CHRM2: variants seen among roughly 807,000 people sequenced by gnomAD.
CHRM2 encodes cholinergic receptor muscarinic 2, also known as muscarinic acetylcholine receptor M2.
CHRM2 carries 8 observed loss-of-function variants against 25.0 expected under a neutral mutation model. The observed-to-expected ratio is 0.32, with a 90% confidence interval of 0.19 to 0.58. The LOEUF is 0.58. CHRM2 is among the 20% of genes least tolerant of loss of function. The pLI is 0.88. For missense variants in CHRM2, 440 were observed against 567.1 expected, an observed-to-expected ratio of 0.78 and a Z score of 2.28; for synonymous variants, 202 against 205.7, an observed-to-expected ratio of 0.98 and a Z score of 0.15.
intron 3 of CHRM2, among the ~76,000 whole-genome samples, chr7:137,009,507 A>G (rs1484775136): frequency 5.3e-5 from 8 of 152,048 alleles, no homozygotes; most frequent in Non-Finnish European, 1.2e-4. Flanking sequence ...ATTGTCCTGG[A>G]CACAATGATT....
intron 3 of CHRM2, among the ~76,000 whole-genome samples, chr7:137,014,262 ATT>A (rs1339191159): frequency 3.9e-5 from 6 of 151,978 alleles, no homozygotes; most frequent in African/African-American, 7.2e-5. Context: ...TATACTGGCT[ATT>A]AAGTATTATT....
At chr7:136,892,591 A>C (rs930264748) in intron 2 of CHRM2, among the ~76,000 whole-genome samples, 1 of 152,198 alleles carries the variant, frequency 6.6e-6, no homozygotes. Context: ...TACAAAGACA[A>C]AGAAAGGTTA....
At chr7:136,882,145 G>A (rs373848998) in intron 2 of CHRM2, among the ~76,000 whole-genome samples, 36 of 152,032 alleles carry the variant, frequency 2.4e-4, no homozygotes, top group African/African-American at 8.2e-4. Context: ...TTGAATATTG[G>A]TCTAGTCCCT....
intron 2 of CHRM2, among the ~76,000 whole-genome samples, chr7:136,972,568 T>C (rs1434953322): frequency 6.6e-6 from 1 of 152,132 alleles, no homozygotes; most frequent in Non-Finnish European, 1.5e-5. Flanking sequence ...AAAAAAAATA[T>C]GGTTGATAGT....
Position 136,934,703 on chromosome 7 carries a change from A to G in CHRM2, c.-124-57484A>G, listed in dbSNP as rs138709463. Among the ~76,000 whole-genome samples the G allele has an allele frequency of 2.4e-3, 367 of 152,234 alleles. 1 individual carries two copies. The highest frequency in any genetic ancestry group is 8.7e-3 in the African/African-American group (360 of 41,560). Reference sequence around the variant, plus strand: ...TAGGGTTTGGAAAGGAATAAATTAAACTGTCATTATTTATAAATAATGTAA... The same window carrying G: ...TAGGGTTTGGAAAGGAATAAATTAAGCTGTCATTATTTATAAATAATGTAA... On this transcript the variant is annotated intron_variant, in intron 2 of 3. Coordinates refer to ENST00000680005, the MANE Select transcript of CHRM2 (RefSeq NM_001006630.2).
At chr7:136,882,554 G>A (rs1285132005) in intron 2 of CHRM2, among the ~76,000 whole-genome samples, 5 of 152,016 alleles carry the variant, frequency 3.3e-5, no homozygotes, top group African/African-American at 4.8e-5. Context: ...TCTGCTAAGA[G>A]TTCCAAGTTT....
intron 2 of CHRM2, among the ~76,000 whole-genome samples, chr7:136,988,303 TGAGGGAAGGA>T (rs1802991341): frequency 6.7e-6 from 1 of 148,230 alleles, no homozygotes; most frequent in South Asian, 2.1e-4. Flanking sequence ...GAAGAGGAGG[TGAGGGAAGGA>T]GAGGGAAGGG....
intron 2 of CHRM2, among the ~76,000 whole-genome samples, chr7:136,881,003 A>T (rs1796244395): frequency 6.6e-6 from 1 of 151,458 alleles, no homozygotes; most frequent in Admixed American, 6.6e-5. Flanking sequence ...CATAAGGTCA[A>T]GTAAAGTGTA....
At chr7:136,911,845 A>T (rs1797858641) in intron 2 of CHRM2, among the ~76,000 whole-genome samples, 1 of 151,902 alleles carries the variant, frequency 6.6e-6, no homozygotes, top group African/African-American at 2.4e-5. Flanking sequence ...AGCTTATTAG[A>T]TATTGTGTGT....
intron 2 of CHRM2, among the ~76,000 whole-genome samples, chr7:136,970,168 G>C (rs1431912319): frequency 6.6e-6 from 1 of 152,088 alleles, no homozygotes; most frequent in Non-Finnish European, 1.5e-5. Context: ...TTGGGAGGTG[G>C]ATGTAAACAT....
chr7:136,979,411 TG>T (rs1802332981), intron 2 of CHRM2, among the ~76,000 whole-genome samples: 2 of 152,244 alleles, frequency 1.3e-5, no homozygotes, highest in Non-Finnish European at 2.9e-5. Context: ...TTCACTCTGA[TG>T]ATAGTTTCTT....
chr7:136,893,217 T>C (rs1481982451), intron 2 of CHRM2, among the ~76,000 whole-genome samples: 4 of 152,122 alleles, frequency 2.6e-5, no homozygotes, highest in African/African-American at 9.7e-5. Context: ...CCTACTCTAC[T>C]GGCCGTGGTA....
intron 2 of CHRM2, among the ~76,000 whole-genome samples, chr7:136,940,335 G>A (rs73158749): frequency 0.13 from 20,195 of 152,196 alleles, 1,840 homozygotes; most frequent in East Asian, 0.37. Context: ...GAACAGATCA[G>A]AGAGGAAGCC....
At chr7:137,001,941 C>T (rs1804062706) in intron 3 of CHRM2, among the ~76,000 whole-genome samples, 1 of 152,120 alleles carries the variant, frequency 6.6e-6, no homozygotes, top group Non-Finnish European at 1.5e-5. Flanking sequence ...CAACCTAAGC[C>T]ATCTCCTACA....
At chr7:136,998,361 G>A (rs1022283859) in intron 3 of CHRM2, among the ~76,000 whole-genome samples, 4 of 152,118 alleles carry the variant, frequency 2.6e-5, no homozygotes, top group East Asian at 3.9e-4. Context: ...CAACAAGGCC[G>A]AAGTAGCATA....
intron 2 of CHRM2, among the ~76,000 whole-genome samples, chr7:136,900,385 T>C (rs1474514247): frequency 6.6e-6 from 1 of 152,100 alleles, no homozygotes; most frequent in Admixed American, 6.6e-5. Context: ...CAGACTGATT[T>C]TGCCCTGTTA....
At chr7:136,904,288 AT>A (rs1306027269) in intron 2 of CHRM2, among the ~76,000 whole-genome samples, 1 of 151,780 alleles carries the variant, frequency 6.6e-6, no homozygotes, top group Non-Finnish European at 1.5e-5. Context: ...AGCTCAAATC[AT>A]TTTTTACAAC....
chr7:136,950,191 A>G (rs564689284), intron 2 of CHRM2, among the ~76,000 whole-genome samples: 2 of 152,024 alleles, frequency 1.3e-5, no homozygotes, highest in South Asian at 2.1e-4. Context: ...TCATTTTTCT[A>G]TTGGGGTGAT....
intron 2 of CHRM2, among the ~76,000 whole-genome samples, chr7:136,946,252 T>C (rs533650588): frequency 6.6e-6 from 1 of 152,180 alleles, no homozygotes; most frequent in Non-Finnish European, 1.5e-5. Context: ...TTCAAGGTGT[T>C]TGATGTTGGA....
Sources: gnomAD v4.1 joint callset for allele counts (sites outside exome capture counted in the v4.1 genomes callset) on GRCh38, gnomAD v4.1.1 for gene constraint, MANE v1.5 for transcripts, NCBI Gene and HGNC (gene_info 2026-07-23, HGNC 2026-07-21) for gene names.